Variants in PALLD observed in about 807,000 individuals in gnomAD.
The protein encoded by PALLD is palladin.
A neutral mutation model predicts 123.5 loss-of-function variants in PALLD; 61 were observed. The observed-to-expected ratio is 0.49, with a 90% CI of 0.40 to 0.61. PALLD has a LOEUF of 0.61. Among genes scored for constraint, PALLD ranks in the 20% least tolerant of loss-of-function variants. PALLD has a pLI of 0.00. For synonymous variants in PALLD, 465 were observed against 496.4 expected (o/e 0.94, Z 0.84); for missense variants, 1,273 against 1,377.0 (o/e 0.92, Z 1.20).
chr4:168,511,548 C>A lies in PALLD; in HGVS notation c.44C>A (p.Ser15Ter). The change falls in exon 2 of 22, where the codon TCA becomes TAA. Residue 15 changes from serine to a stop codon, truncating the protein, a stop_gained. Coordinates refer to ENST00000505667, the MANE Select transcript of PALLD (RefSeq NM_001166108.2). LOFTEE classifies it high-confidence loss of function. ...SSHESFYDSLSDMQEESKNTD... is the reference protein window; with the variant it reads ...SSHESFYDSL The stretch of plus-strand genomic sequence containing the variant: ...CATGAGTCCTTCTATGACTCCCTCT[C>A]AGACATGCAGGAAGAAAGCAAGAAT... The A allele has an allele frequency of 6.2e-7, 1 of 1,614,090 alleles. No individual in the cohort carries two copies. Among genetic ancestry groups the A allele is most frequent in the Admixed American group, 1.7e-5 (1 of 60,024 alleles).
chr4:168,760,757 G>C (rs555725551), intron 10 of PALLD, among the ~76,000 whole-genome samples: 2 of 152,180 alleles, frequency 1.3e-5, no homozygotes, highest in Non-Finnish European at 2.9e-5. Context: ...ACCAAGAAAA[G>C]ACTTTTCTGT....
intron 2 of PALLD, among the ~76,000 whole-genome samples, chr4:168,609,711 G>T (rs549352046): frequency 4.6e-5 from 7 of 152,282 alleles, no homozygotes; most frequent in Non-Finnish European, 8.8e-5. Context: ...CTCCTGTGTG[G>T]ATACGATGTG....
chr4:168,695,466 A>T (rs927079876), intron 8 of PALLD, among the ~76,000 whole-genome samples: 2 of 152,228 alleles, frequency 1.3e-5, no homozygotes, highest in Admixed American at 6.5e-5. Flanking sequence ...ATGCAAACAC[A>T]TTCAAACTTG....
intron 2 of PALLD, among the ~76,000 whole-genome samples, chr4:168,592,660 TA>T (rs1771553232): frequency 6.6e-6 from 1 of 152,154 alleles, no homozygotes; most frequent in African/African-American, 2.4e-5. Flanking sequence ...GACTTGACCC[TA>T]ACTCTTCTTC....
chr4:168,752,712 TA>T (rs1198564586), intron 10 of PALLD, among the ~76,000 whole-genome samples: 5 of 150,952 alleles, frequency 3.3e-5, no homozygotes, highest in African/African-American at 7.3e-5. Flanking sequence ...CATTGGCATC[TA>T]TATACTTTGA....
intron 2 of PALLD, among the ~76,000 whole-genome samples, chr4:168,612,982 T>G (rs934779477): frequency 6.6e-6 from 1 of 152,214 alleles, no homozygotes; most frequent in Admixed American, 6.5e-5. Flanking sequence ...GAATCCATCT[T>G]GCCAGCATGG....
At chr4:168,697,860 T>C (rs1047401911) in intron 8 of PALLD, among the ~76,000 whole-genome samples, 9 of 152,200 alleles carry the variant, frequency 5.9e-5, no homozygotes, top group African/African-American at 2.2e-4. Flanking sequence ...AGCAATCTCA[T>C]TGCTGGATAT....
chr4:168,567,424 A>T (rs1259910733), intron 2 of PALLD, among the ~76,000 whole-genome samples: 12 of 151,980 alleles, frequency 7.9e-5, no homozygotes, highest in Admixed American at 7.9e-4. Flanking sequence ...AAAAATGCTC[A>T]ACATTACTAA....
intron 10 of PALLD, among the ~76,000 whole-genome samples, chr4:168,853,899 G>A (rs1748183909): frequency 6.6e-6 from 1 of 152,192 alleles, no homozygotes; most frequent in Admixed American, 6.5e-5. Flanking sequence ...GAGACGGATG[G>A]AGACAGGCAG....
chr4:168,855,443 G>A (rs865783248), intron 10 of PALLD, among the ~76,000 whole-genome samples: 3 of 152,160 alleles, frequency 2.0e-5, no homozygotes, highest in South Asian at 2.1e-4. Context: ...TAAGTGGTAC[G>A]TCTATCTTAA....
intron 2 of PALLD, among the ~76,000 whole-genome samples, chr4:168,624,964 A>G (rs1330289987): frequency 6.6e-6 from 1 of 152,132 alleles, no homozygotes; most frequent in African/African-American, 2.4e-5. Flanking sequence ...ACTTGATAAC[A>G]TGAAGAAGTC....
At chr4:168,810,817 AAAAAAAAAAG>A (rs199769692) in intron 10 of PALLD, among the ~76,000 whole-genome samples, 4,119 of 130,132 alleles carry the variant, frequency 0.032, 208 homozygotes, top group African/African-American at 0.11. Context: ...TCCGTCTCAA[AAAAAAAAAAG>A]AAAAAAAAAG....
intron 10 of PALLD, among the ~76,000 whole-genome samples, chr4:168,871,740 C>G (rs905938360): frequency 9.2e-5 from 14 of 152,276 alleles, no homozygotes; most frequent in African/African-American, 2.6e-4. Flanking sequence ...ATTCCTCCCC[C>G]AAAAAGAGGC....
rs1762517817 is a variant in PALLD at position 168,926,021 on chromosome 4, CTATCCTGTA to C, written c.*33-189_*33-181del. 5.3e-5 allele frequency among the ~76,000 whole-genome samples: 8 copies of C among 152,120 alleles called. No homozygotes were observed. The South Asian group carries it at 1.7e-3, about 32-fold the overall frequency. ...TTGTAATCTAGCTGCTTTATTCCCA[CTATCCTGTA>C]TAGACAGTAAATCTGCAACATGTGA... On this transcript the variant is annotated intron_variant, in intron 21 of 21. Transcript: ENST00000505667.
chr4:168,507,475 A>G (rs574830856), intron 1 of PALLD: 26 of 189,490 alleles, frequency 1.4e-4, no homozygotes, highest in Non-Finnish European at 2.7e-4. Context: ...TTCACATCCC[A>G]TTACAAGTGA....
chr4:168,927,092 T>C lies in PALLD; in HGVS notation c.*912T>C, dbSNP rs1358490601. 1 of 222,616 alleles carries C rather than the reference T, an allele frequency of 4.5e-6. No individual in the cohort carries two copies. The highest frequency in any genetic ancestry group is 9.0e-6 in the Non-Finnish European group (1 of 111,150). The allele number at this position is 222,616 out of a possible 1,614,324, so 13.8% of individuals were successfully genotyped here. A position where few individuals can be genotyped will look rare whatever the true frequency, so the allele number is the denominator to read the frequency against. ...AAAAGGCTAATTTAAATATAAATAA[T>C]ATAAAGTGCTCTGAATAAAGCAGAA... On this transcript the variant is annotated 3_prime_UTR_variant, in exon 22 of 22. Coordinates refer to ENST00000505667, the MANE Select transcript of PALLD (RefSeq NM_001166108.2).
At chr4:168,759,179 CAAAAAA>C (rs1175955888) in intron 10 of PALLD, among the ~76,000 whole-genome samples, 45 of 9,030 alleles carry the variant, frequency 5.0e-3, no homozygotes, top group African/African-American at 7.6e-3. Flanking sequence ...GACTCCATCT[CAAAAAA>C]AAAAAAAAAA....
intron 6 of PALLD, among the ~76,000 whole-genome samples, chr4:168,688,115 C>G (rs1039405790): frequency 6.6e-5 from 10 of 152,196 alleles, no homozygotes; most frequent in Non-Finnish European, 1.2e-4. Flanking sequence ...TAGGCCTGGT[C>G]TCTGGTTTTG....
At chr4:168,893,871 G>T (rs907185571) in intron 11 of PALLD, among the ~76,000 whole-genome samples, 2 of 152,218 alleles carry the variant, frequency 1.3e-5, no homozygotes, top group Non-Finnish European at 2.9e-5. Flanking sequence ...CTGCTTCTGG[G>T]TCAAGTCAAT....
Sources: gnomAD v4.1 joint callset for allele counts (sites outside exome capture counted in the v4.1 genomes callset) on GRCh38, gnomAD v4.1.1 for gene constraint, MANE v1.5 for transcripts, NCBI Gene and HGNC (gene_info 2026-07-23, HGNC 2026-07-21) for gene names.